The following DNM3 variants were observed in gnomAD, a reference collection of about 807,000 sequenced individuals.
The protein encoded by DNM3 is dynamin-3.
In DNM3, 47 loss-of-function variants were observed where a neutral mutation model predicts 101.6. The ratio of observed to expected loss-of-function variants is 0.46; its 90% CI spans 0.37 to 0.59. The LOEUF (loss-of-function observed/expected upper bound fraction) is 0.59, where lower values mean the gene tolerates loss of function less well. Ranked by LOEUF, DNM3 falls within the 20% of genes least tolerant of loss-of-function variation. The probability of loss-of-function intolerance (pLI) is 0.00; values close to 1 mark genes in which losing one functional copy is unlikely to be tolerated. For missense variants in DNM3, 849 were observed against 1,085.7 expected (o/e 0.78, Z 3.06); for synonymous variants, 385 against 387.9 (o/e 0.99, Z 0.09).
chr1:171,877,765 G>A (rs1319167576), intron 1 of DNM3, among the ~76,000 whole-genome samples: 1 of 152,168 alleles, frequency 6.6e-6, no homozygotes, highest in Non-Finnish European at 1.5e-5. Context: ...TACCACCCCA[G>A]TGGCATGTTC....
intron 16 of DNM3, among the ~76,000 whole-genome samples, chr1:172,320,020 G>A (rs1260714659): frequency 2.0e-5 from 3 of 151,692 alleles, no homozygotes; most frequent in Non-Finnish European, 1.5e-5. Context: ...AAGAAAATGT[G>A]GCACATATAC....
intron 18 of DNM3, chr1:172,381,029 C>T (rs1223513324): frequency 6.7e-6 from 1 of 148,458 alleles, no homozygotes; most frequent in Non-Finnish European, 1.5e-5. Flanking sequence ...ATCCTACTTT[C>T]ACCTTCTCAA....
chr1:171,909,294 G>T (rs1305060229), intron 1 of DNM3, among the ~76,000 whole-genome samples: 1 of 152,042 alleles, frequency 6.6e-6, no homozygotes, highest in African/African-American at 2.4e-5. Flanking sequence ...TTAGCCAGGT[G>T]TGGTGCTGCA....
chr1:172,357,584 A>C (rs115241975), intron 17 of DNM3, among the ~76,000 whole-genome samples: 154 of 152,230 alleles, frequency 1.0e-3, no homozygotes, highest in African/African-American at 3.6e-3. Flanking sequence ...TATTGCTCCA[A>C]ATTAAAGGAG....
intron 17 of DNM3, among the ~76,000 whole-genome samples, chr1:172,325,462 T>C (rs993267122): frequency 6.6e-6 from 1 of 152,096 alleles, no homozygotes; most frequent in African/African-American, 2.4e-5. Flanking sequence ...GAATAAGTGA[T>C]AGTTTGTGGA....
chr1:172,052,753 C>T (rs779682587), intron 10 of DNM3, among the ~76,000 whole-genome samples: 4 of 152,102 alleles, frequency 2.6e-5, no homozygotes, highest in Non-Finnish European at 5.9e-5. Flanking sequence ...CTAAACACTG[C>T]GATCCCACAG....
chr1:172,228,702 A>C (rs540413817), intron 14 of DNM3, among the ~76,000 whole-genome samples: 74 of 152,214 alleles, frequency 4.9e-4, no homozygotes, highest in African/African-American at 1.7e-3. Context: ...TTAAATATTG[A>C]GATTTCTATC....
intron 14 of DNM3, among the ~76,000 whole-genome samples, chr1:172,148,377 A>G (rs769361363): frequency 6.6e-6 from 1 of 151,622 alleles, no homozygotes. Flanking sequence ...TATGGTATGC[A>G]TGTGGTTTCT....
Position 171,950,122 on chromosome 1 carries a change from G to A in DNM3, c.235+28301G>A, listed in dbSNP as rs538751125. Among the ~76,000 whole-genome samples the A allele has an allele frequency of 3.9e-5, 6 of 152,142 alleles. No individual in the cohort carries two copies. In the South Asian group the frequency reaches 1.2e-3, roughly 32 times the overall value. On this transcript the variant is annotated intron_variant, in intron 2 of 20. Transcript: ENST00000627582. Reference sequence around the variant, plus strand: ...TGGCTGGGGGAACATTCATACAATGGAATACAACTTAGCAATAAAAAGGAA... The same window carrying A: ...TGGCTGGGGGAACATTCATACAATGAAATACAACTTAGCAATAAAAAGGAA...
intron 13 of DNM3, among the ~76,000 whole-genome samples, chr1:172,116,369 G>T (rs2055891669): frequency 6.6e-6 from 1 of 152,182 alleles, no homozygotes; most frequent in African/African-American, 2.4e-5. Flanking sequence ...ACTGACTTCT[G>T]CACTCATCAT....
intron 2 of DNM3, among the ~76,000 whole-genome samples, chr1:171,983,638 A>C (rs2045005868): frequency 6.6e-6 from 1 of 152,086 alleles, no homozygotes; most frequent in African/African-American, 2.4e-5. Context: ...TGATCTCATC[A>C]CTTACCTGAC....
chr1:172,092,905 G>A (rs1398963177), intron 13 of DNM3, 30 bp downstream of exon 13: 2 of 1,533,894 alleles, frequency 1.3e-6, no homozygotes, highest in Admixed American at 2.1e-5. Context: ...ATCAGTGTAT[G>A]CATGTCCCAA....
intron 15 of DNM3, among the ~76,000 whole-genome samples, chr1:172,303,035 T>C (rs2064550486): frequency 6.6e-6 from 1 of 152,102 alleles, no homozygotes; most frequent in Non-Finnish European, 1.5e-5. Flanking sequence ...ATGACTTTGA[T>C]GAGTTGACAG....
chr1:172,320,088 T>C (rs1404867075), intron 16 of DNM3, among the ~76,000 whole-genome samples: 1 of 151,478 alleles, frequency 6.6e-6, no homozygotes, highest in African/African-American at 2.4e-5. Context: ...TGTAGGGACA[T>C]GGATGAAATT....
chr1:172,246,441 C>A (rs893399920), intron 14 of DNM3, among the ~76,000 whole-genome samples: 2 of 151,686 alleles, frequency 1.3e-5, no homozygotes, highest in African/African-American at 2.4e-5. Flanking sequence ...TGGGAAAAGA[C>A]AAGAAGGCTG....
At chr1:172,333,660 A>G (rs1365077463) in intron 17 of DNM3, among the ~76,000 whole-genome samples, 1 of 152,152 alleles carries the variant, frequency 6.6e-6, no homozygotes, top group African/African-American at 2.4e-5. Flanking sequence ...AAATTATTGG[A>G]ATATGCAGAA....
chr1:172,241,290 GC>G (rs552175577), intron 14 of DNM3, among the ~76,000 whole-genome samples: 246 of 149,664 alleles, frequency 1.6e-3, no homozygotes, highest in African/African-American at 5.9e-3. Flanking sequence ...TTGGTTAGAA[GC>G]TCTTTTTGAG....
chr1:172,019,158 CCTTCTCTCTTTT>C (rs1451692406), intron 4 of DNM3, among the ~76,000 whole-genome samples: 1 of 150,036 alleles, frequency 6.7e-6, no homozygotes, highest in African/African-American at 2.5e-5. Flanking sequence ...TTCTCTCTTT[CCTTCTCTCTTTT>C]CTTCTTTATC....
Position 172,354,110 on chromosome 1 carries a change from T to TGAGAGAGAGAGAGAGAGAGA in DNM3, c.1894-24907_1894-24906insAGAGAGAGAGAGAGAGAGAG, listed in dbSNP as rs1445200263. Among the ~76,000 whole-genome samples, 54 of 52,558 alleles carry TGAGAGAGAGAGAGAGAGAGA rather than the reference T, an allele frequency of 1.0e-3. No homozygotes were observed. In the East Asian group the frequency reaches 0.011, roughly 10 times the overall value. 34.5% of individuals were successfully genotyped at this position (52,558 alleles called of 152,430 possible). ...TGGGGTGTGTGTGTGTGTGTGTGTG[T>TGAGAGAGAGAGAGAGAGAGA]GTGAGAGAGAGAGAGAGAGAGAGAG... On this transcript the variant is annotated intron_variant, in intron 17 of 20. Transcript: ENST00000627582.
Sources: allele counts gnomAD v4.1 joint callset (sites outside exome capture counted in the v4.1 genomes callset), GRCh38; gene constraint gnomAD v4.1.1; transcripts MANE v1.5; gene names NCBI Gene and HGNC (gene_info 2026-07-23, HGNC 2026-07-21).